PARD3: variants seen among roughly 807,000 people sequenced by gnomAD.
The protein encoded by PARD3 is par-3 family cell polarity regulator, also known as partitioning defective 3 homolog.
Under a neutral mutation model 155.4 loss-of-function variants are expected in PARD3, and 75 were observed. The observed-to-expected ratio is 0.48, with a 90% CI of 0.40 to 0.58. The LOEUF is 0.58. PARD3 is among the 20% of genes least tolerant of loss of function. PARD3 has a pLI of 0.00. For missense variants in PARD3, 1,642 were observed against 1,721.7 expected, an observed-to-expected ratio of 0.95 and a Z score of 0.82; for synonymous variants, 576 against 610.5, an observed-to-expected ratio of 0.94 and a Z score of 0.83.
rs145519239 is a variant in PARD3, at chr10:34,163,057, C to A, written c.3420-31474G>T. Among the ~76,000 whole-genome samples, 910 of 152,284 alleles carry A rather than the reference C, an allele frequency of 6.0e-3. 6 individuals carry two copies. Among genetic ancestry groups the A allele is most frequent in the Non-Finnish European group, 9.6e-3 (652 of 68,030 alleles). ...TAATTACATAAAAAATAAATAATTA[C>A]CTAATTACACTAGGTAATTATTTTT... On this transcript the variant is annotated intron_variant, in intron 22 of 24. Coordinates refer to ENST00000374788, the MANE Select transcript of PARD3 (RefSeq NM_001184785.2).
Position 34,310,442 on chromosome 10 carries a change from C to T in PARD3, c.3065+6665G>A, listed in dbSNP as rs552057858. ...TCAGAACTGTCAAGAATTTCTTTTGCGAAAAGGTTTGCTTTAGAGAGACTA... is the reference window on the plus strand; with the variant it reads ...TCAGAACTGTCAAGAATTTCTTTTGTGAAAAGGTTTGCTTTAGAGAGACTA... On this transcript the variant is annotated intron_variant, in intron 20 of 24. Coordinates refer to ENST00000374788, the MANE Select transcript of PARD3 (RefSeq NM_001184785.2). Among the ~76,000 whole-genome samples, 4 of 152,270 alleles carry T rather than the reference C, an allele frequency of 2.6e-5. No individual in the cohort carries two copies. The South Asian group carries it at 6.2e-4, about 24-fold the overall frequency.
intron 2 of PARD3, among the ~76,000 whole-genome samples, chr10:34,581,234 C>CTTT (rs779658592): frequency 4.9e-5 from 5 of 101,244 alleles, no homozygotes; most frequent in African/African-American, 8.4e-5. Context: ...TTTTTCTTTT[C>CTTT]TTTTTTTTTT....
chr10:34,135,865 T>C (rs1692695), intron 22 of PARD3, among the ~76,000 whole-genome samples: 74,524 of 152,078 alleles, frequency 0.49, 19,672 homozygotes, highest in Non-Finnish European at 0.6. Flanking sequence ...TACACGTATA[T>C]GAATTCAGAA....
intron 2 of PARD3, among the ~76,000 whole-genome samples, chr10:34,544,176 A>G (rs2083864319): frequency 6.6e-6 from 1 of 152,188 alleles, no homozygotes; most frequent in Non-Finnish European, 1.5e-5. Context: ...AACACTTAAA[A>G]TTTTTGGAAA....
At chr10:34,342,039 G>A (rs1453789889) in intron 15 of PARD3, among the ~76,000 whole-genome samples, 1 of 152,050 alleles carries the variant, frequency 6.6e-6, no homozygotes, top group African/African-American at 2.4e-5. Context: ...TATAGCTCAG[G>A]GCAATGCATG....
intron 5 of PARD3, among the ~76,000 whole-genome samples, chr10:34,448,774 C>T (rs560957099): frequency 6.6e-6 from 1 of 151,968 alleles, no homozygotes; most frequent in Non-Finnish European, 1.5e-5. Flanking sequence ...CACTGCACTC[C>T]AGCCTGGGTG....
intron 21 of PARD3, among the ~76,000 whole-genome samples, chr10:34,270,140 CT>C (rs3039311): frequency 0.45 from 54,436 of 121,510 alleles, 9,569 homozygotes; most frequent in African/African-American, 0.54. Flanking sequence ...TAATTTAAAT[CT>C]TTTTTTTTTT....
chr10:34,695,663 G>A (rs1336492655), intron 2 of PARD3, among the ~76,000 whole-genome samples: 1 of 152,130 alleles, frequency 6.6e-6, no homozygotes, highest in African/African-American at 2.4e-5. Flanking sequence ...GATAGGTCCA[G>A]GAGCCAAACT....
chr10:34,404,167 A>G (rs1844196405), intron 5 of PARD3, among the ~76,000 whole-genome samples: 1 of 152,200 alleles, frequency 6.6e-6, no homozygotes, highest in South Asian at 2.1e-4. Flanking sequence ...GCTGAGCTGC[A>G]GTTGCTGTGG....
chr10:34,131,350 G>C (rs1947600482), intron 23 of PARD3, 113 bp downstream of exon 23: 1 of 1,117,194 alleles, frequency 9.0e-7, no homozygotes, highest in Admixed American at 2.1e-5. Flanking sequence ...AAAGGTCAAA[G>C]GAATTTGGCT....
At chr10:34,313,737 T>C (rs1016332354) in intron 20 of PARD3, among the ~76,000 whole-genome samples, 1 of 152,218 alleles carries the variant, frequency 6.6e-6, no homozygotes, top group Non-Finnish European at 1.5e-5. Context: ...GGGGTAGGAA[T>C]AGTGTATGAG....
intron 12 of PARD3, 27 bp from the exon 13 acceptor site, chr10:34,360,286 C>T (rs762387803): frequency 2.7e-6 from 4 of 1,500,620 alleles, no homozygotes; most frequent in Non-Finnish European, 3.7e-6. Context: ...TTGCACAGCA[C>T]ATTATAGTCC....
intron 2 of PARD3, among the ~76,000 whole-genome samples, chr10:34,648,726 T>C (rs550100583): frequency 6.6e-6 from 1 of 152,344 alleles, no homozygotes; most frequent in South Asian, 2.1e-4. Context: ...CATGGACCAG[T>C]ACCACACAGT....
chr10:34,715,614 T>G (rs1287391582), intron 1 of PARD3, among the ~76,000 whole-genome samples: 1 of 152,212 alleles, frequency 6.6e-6, no homozygotes, highest in Non-Finnish European at 1.5e-5. Flanking sequence ...TACTTTTATC[T>G]TATGCCCAGT....
intron 22 of PARD3, among the ~76,000 whole-genome samples, chr10:34,151,147 A>G (rs1378712047): frequency 6.7e-6 from 1 of 149,334 alleles, no homozygotes; most frequent in African/African-American, 2.5e-5. Flanking sequence ...TTTCCAAACG[A>G]ACAAACAAAA....
chr10:34,322,514 A>G (rs1958441027), intron 19 of PARD3, among the ~76,000 whole-genome samples: 1 of 152,194 alleles, frequency 6.6e-6, no homozygotes, highest in Non-Finnish European at 1.5e-5. Flanking sequence ...ACTGTGGAAT[A>G]TCTATTGTGT....
chr10:34,796,288 A>G (rs1842236908), intron 1 of PARD3, among the ~76,000 whole-genome samples: 1 of 152,190 alleles, frequency 6.6e-6, no homozygotes, highest in East Asian at 1.9e-4. Context: ...ATCATCTGCC[A>G]GGTAAATACA....
At chr10:34,481,120 A>G (rs1415551737) in intron 3 of PARD3, among the ~76,000 whole-genome samples, 1 of 152,148 alleles carries the variant, frequency 6.6e-6, no homozygotes, top group Non-Finnish European at 1.5e-5. Context: ...TTTCTAATAC[A>G]GGTAAGTTTT....
intron 1 of PARD3, among the ~76,000 whole-genome samples, chr10:34,736,631 T>C (rs1004719180): frequency 2.6e-5 from 4 of 151,104 alleles, no homozygotes; most frequent in Non-Finnish European, 4.4e-5. Context: ...ATGTTGGAAA[T>C]AGGTTACTTT....
Sources: gnomAD v4.1 joint callset for allele counts (sites outside exome capture counted in the v4.1 genomes callset) on GRCh38, gnomAD v4.1.1 for gene constraint, MANE v1.5 for transcripts, NCBI Gene and HGNC (gene_info 2026-07-23, HGNC 2026-07-21) for gene names.